FARP1: variants seen among roughly 807,000 people sequenced by gnomAD.
FARP1 encodes FERM, ARH/RhoGEF and pleckstrin domain protein 1.
Under a neutral mutation model 128.8 loss-of-function variants are expected in FARP1, and 52 were observed. The ratio of observed to expected loss-of-function variants is 0.40; its 90% confidence interval spans 0.32 to 0.51. FARP1 has a LOEUF of 0.51. Among genes scored for constraint, FARP1 ranks in the 20% least tolerant of loss-of-function variants. FARP1 has a pLI of 0.45. For missense variants in FARP1, 1,333 were observed against 1,367.9 expected, an observed-to-expected ratio of 0.97 and a Z score of 0.40; for synonymous variants, 580 against 551.8, an observed-to-expected ratio of 1.05 and a Z score of -0.72.
Position 98,453,115 on chromosome 13 carries a change from AAG to A in FARP1, c.*4799_*4800del. 1 of 1,599,296 alleles carries A rather than the reference AAG, an allele frequency of 6.3e-7. No individual in the cohort carries two copies. On this transcript the variant is annotated 3_prime_UTR_variant, in exon 27 of 27. Coordinates refer to ENST00000319562, the MANE Select transcript of FARP1 (RefSeq NM_005766.4). ...CGAAGGCTCTCGTTGACTTTTAAAA[AAG>A]GAGGAGGATGAAGAAGGAAAAAAGG... is the stretch of plus-strand genomic sequence containing the variant.
At chr13:98,323,094 A>G (rs2139796531) in intron 2 of FARP1, among the ~76,000 whole-genome samples, 1 of 152,334 alleles carries the variant, frequency 6.6e-6, no homozygotes, top group Non-Finnish European at 1.5e-5. Context: ...TACATGCATT[A>G]TAGAAATGGG....
At chr13:98,195,029 G>T (rs1411692682) in intron 1 of FARP1, among the ~76,000 whole-genome samples, 1 of 152,206 alleles carries the variant, frequency 6.6e-6, no homozygotes, top group East Asian at 1.9e-4. Context: ...CCATAGGGTC[G>T]TTGTGTAGAA....
chr13:98,413,747 A>T (rs971862463), intron 16 of FARP1, among the ~76,000 whole-genome samples: 1 of 152,218 alleles, frequency 6.6e-6, no homozygotes, highest in African/African-American at 2.4e-5. Context: ...CCTGTGTCTC[A>T]TCATTCATAC....
At chr13:98,150,708 G>A (rs1175688097) in intron 1 of FARP1, among the ~76,000 whole-genome samples, 1 of 152,136 alleles carries the variant, frequency 6.6e-6, no homozygotes, top group African/African-American at 2.4e-5. Flanking sequence ...TTTACTGGAT[G>A]GCGATGGAAC....
chr13:98,298,351 G>C (rs1885788635), intron 2 of FARP1, among the ~76,000 whole-genome samples: 1 of 152,152 alleles, frequency 6.6e-6, no homozygotes, highest in South Asian at 2.1e-4. Flanking sequence ...GATTGACAAG[G>C]TCCCATGCTT....
intron 1 of FARP1, among the ~76,000 whole-genome samples, chr13:98,202,181 G>A (rs535776035): frequency 7.2e-5 from 11 of 152,294 alleles, no homozygotes; most frequent in Non-Finnish European, 8.8e-5. Context: ...AGCTCCTGGC[G>A]TGTGGCTCCC....
At chr13:98,242,710 G>A (rs929422208) in intron 2 of FARP1, among the ~76,000 whole-genome samples, 2 of 152,158 alleles carry the variant, frequency 1.3e-5, no homozygotes, top group Non-Finnish European at 2.9e-5. Context: ...AATTTTGAAA[G>A]ATGTAAGGCT....
intron 2 of FARP1, among the ~76,000 whole-genome samples, chr13:98,294,445 T>C (rs897547703): frequency 2.6e-5 from 4 of 152,224 alleles, no homozygotes; most frequent in African/African-American, 9.6e-5. Flanking sequence ...ATTTGTATCA[T>C]GTCATGCAGT....
chr13:98,231,083 C>T (rs1449908983), intron 2 of FARP1, among the ~76,000 whole-genome samples: 1 of 152,114 alleles, frequency 6.6e-6, no homozygotes, highest in African/African-American at 2.4e-5. Flanking sequence ...GTTATCTCCA[C>T]CTAGCCCTGT....
chr13:98,379,144 TATATATAATATATATATA>T (rs1889767300), intron 6 of FARP1, among the ~76,000 whole-genome samples: 1 of 55,054 alleles, frequency 1.8e-5, no homozygotes, highest in Non-Finnish European at 2.9e-5. Flanking sequence ...ATATATAATC[TATATATAATATATATATA>T]ATATATAATC....
intron 1 of FARP1, among the ~76,000 whole-genome samples, chr13:98,199,015 CA>C (rs1368554325): frequency 8.4e-6 from 1 of 118,964 alleles, no homozygotes; most frequent in Non-Finnish European, 1.7e-5. Flanking sequence ...GAATTTGAGG[CA>C]GCTGTGCACT....
intron 2 of FARP1, among the ~76,000 whole-genome samples, chr13:98,265,496 T>G (rs1884071003): frequency 6.6e-6 from 1 of 150,792 alleles, no homozygotes; most frequent in Non-Finnish European, 1.5e-5. Flanking sequence ...ATTTTTTGTA[T>G]TTTTAGTAGA....
intron 14 of FARP1, 57 bp from the exon 15 acceptor site, chr13:98,410,677 C>A: frequency 1.2e-6 from 1 of 823,426 alleles, no homozygotes; most frequent in Non-Finnish European, 2.1e-6. Context: ...GGACATTCTC[C>A]GAGACGCATA....
intron 5 of FARP1, 95 bp from the exon 6 acceptor site, chr13:98,377,726 T>G (rs1594463429): frequency 1.2e-6 from 1 of 834,942 alleles, no homozygotes; most frequent in South Asian, 1.4e-5. Flanking sequence ...GTGGTTGGGG[T>G]TTGCATCCCT....
chr13:98,410,754 G>T lies in FARP1; in HGVS notation c.1623G>T (p.Ala541=). ...GRRKRFPTDK[A]YFIAKEVSTT... ...TGCAGAGATTCCCAACTGATAAAGC[G>T]TACTTCATAGCTAAGGAAGTGTCTA... The change falls in exon 15 of 27, where the codon GCG becomes GCT. Residue 541 remains alanine (A), a synonymous_variant. Coordinates refer to ENST00000319562, the MANE Select transcript of FARP1 (RefSeq NM_005766.4). 6.2e-7 allele frequency: 1 copy of T among 1,600,594 alleles called. No homozygotes were observed. The highest frequency in any genetic ancestry group is 8.5e-7 in the Non-Finnish European group (1 of 1,170,188).
chr13:98,447,015 G>A (rs1594552974), intron 26 of FARP1, 198 bp downstream of exon 26: 9 of 580,304 alleles, frequency 1.6e-5, no homozygotes, highest in South Asian at 6.1e-5. Flanking sequence ...ACTTCCCTGC[G>A]CCCTTACCCT....
At chr13:98,393,824 G>C (rs540452656) in intron 12 of FARP1, 106 bp downstream of exon 12, 2 of 828,584 alleles carry the variant, frequency 2.4e-6, no homozygotes, top group African/African-American at 3.4e-5. Flanking sequence ...TTTCCTTTGG[G>C]GTTTTTAGCA....
In FARP1 at chr13:98,443,861, G is replaced by A. The variant is rs55781711; in HGVS notation, c.2797-2237G>A. 2.9e-4 allele frequency among the ~76,000 whole-genome samples: 43 copies of A among 150,234 alleles called. 1 individual carries two copies. Among genetic ancestry groups the A allele is most frequent in the South Asian group, 1.5e-3 (7 of 4,662 alleles). ...ACAGGACTGGGAGGAGGGAAGGGACGGGGTGCAGACAGGACCGGAAGGAGG... is the reference window on the plus strand; with the variant it reads ...ACAGGACTGGGAGGAGGGAAGGGACAGGGTGCAGACAGGACCGGAAGGAGG... On this transcript the variant is annotated intron_variant, in intron 24 of 26. Coordinates refer to ENST00000319562, the MANE Select transcript of FARP1 (RefSeq NM_005766.4).
chr13:98,191,814 A>G (rs1277700624), intron 1 of FARP1, among the ~76,000 whole-genome samples: 2 of 152,192 alleles, frequency 1.3e-5, no homozygotes, highest in Admixed American at 6.5e-5. Context: ...GTGGTGGCGC[A>G]TGCCTGTAAT....
Sources: gnomAD v4.1 joint callset for allele counts (sites outside exome capture counted in the v4.1 genomes callset) on GRCh38, gnomAD v4.1.1 for gene constraint, MANE v1.5 for transcripts, NCBI Gene and HGNC (gene_info 2026-07-23, HGNC 2026-07-21) for gene names.